NCK1: variants seen among roughly 807,000 people sequenced by gnomAD.
NCK1 encodes the protein NCK adaptor protein 1, also known as SH2/SH3 adapter protein NCK1.
NCK1 carries 19 observed loss-of-function variants against 36.6 expected under a neutral mutation model. That is an observed-to-expected ratio of 0.52 (90% confidence interval 0.36 to 0.76). NCK1 has a LOEUF of 0.76. NCK1 is among the 30% of genes least tolerant of loss of function. The pLI is 0.00. For missense variants in NCK1, 358 were observed against 445.6 expected (o/e 0.80, Z 1.77); for synonymous variants, 165 against 156.0 (o/e 1.06, Z -0.43).
At chr3:136,940,452 T>G (rs964823520) in intron 2 of NCK1, among the ~76,000 whole-genome samples, 8 of 152,206 alleles carry the variant, frequency 5.3e-5, no homozygotes, top group African/African-American at 1.9e-4. Context: ...GCTCTCTTGT[T>G]AGGTATGCAT....
chr3:136,932,017 A>T (rs1420245033), intron 2 of NCK1, among the ~76,000 whole-genome samples: 4 of 151,808 alleles, frequency 2.6e-5, no homozygotes, highest in African/African-American at 9.7e-5. Flanking sequence ...CTACTTGGGA[A>T]GCTGAGGCAG....
chr3:136,928,560 A>G (rs1940307492), intron 2 of NCK1: 1 of 253,636 alleles, frequency 3.9e-6, no homozygotes, highest in Admixed American at 4.9e-5. Context: ...GCACCAAGGC[A>G]ACTTATGTAC....
Position 136,926,511 on chromosome 3 carries a change from G to C in NCK1, c.-18-1473G>C, listed in dbSNP as rs369555705. On this transcript the variant is annotated intron_variant, in intron 1 of 3. Transcript: ENST00000481752. The stretch of plus-strand genomic sequence containing the variant: ...AGGATGGTCTCGATCTCCTGAACTT[G>C]TGATTCACCCGCCTCAGCCTCCTGA... 2.0e-5 allele frequency among the ~76,000 whole-genome samples: 3 copies of C among 152,048 alleles called. 1 individual carries two copies. The highest frequency in any genetic ancestry group is 1.3e-4 in the Admixed American group (2 of 15,250).
intron 1 of NCK1, among the ~76,000 whole-genome samples, chr3:136,865,467 C>G (rs1938387725): frequency 1.3e-5 from 2 of 152,060 alleles, no homozygotes; most frequent in Admixed American, 1.3e-4. Flanking sequence ...ACTTTTTCAC[C>G]ATGTGTTTTT....
intron 2 of NCK1, among the ~76,000 whole-genome samples, chr3:136,935,295 A>G (rs1423581637): frequency 1.3e-5 from 2 of 152,140 alleles, no homozygotes; most frequent in Non-Finnish European, 2.9e-5. Flanking sequence ...GATCTTTTGC[A>G]TTTCTTTTAC....
At chr3:136,867,104 CTTTCTTTCTTTCTTTG>C (rs56028023) in intron 1 of NCK1, among the ~76,000 whole-genome samples, 3,821 of 31,232 alleles carry the variant, frequency 0.12, 396 homozygotes, top group East Asian at 0.22. Context: ...TTCTTTCTTT[CTTTCTTTCTTTCTTTG>C]TTTCTTTCTT....
At chr3:136,871,823 C>T (rs115102371) in intron 1 of NCK1, among the ~76,000 whole-genome samples, 2,230 of 152,202 alleles carry the variant, frequency 0.015, 58 homozygotes, top group African/African-American at 0.051. Flanking sequence ...CTTGTGGGAT[C>T]TGATGGTTTT....
At chr3:136,927,160 T>A (rs1370282573) in intron 1 of NCK1, among the ~76,000 whole-genome samples, 2 of 152,086 alleles carry the variant, frequency 1.3e-5, no homozygotes, top group Non-Finnish European at 2.9e-5. Context: ...TTAGTAGAGA[T>A]GGGGTTTCAC....
At chr3:136,885,220 A>T (rs1939046366) in intron 1 of NCK1, among the ~76,000 whole-genome samples, 1 of 152,210 alleles carries the variant, frequency 6.6e-6, no homozygotes, top group Admixed American at 6.5e-5. Flanking sequence ...ACAAGTGGCC[A>T]TGAGTTGATG....
intron 2 of NCK1, among the ~76,000 whole-genome samples, chr3:136,932,246 C>G (rs1439767752): frequency 6.6e-6 from 1 of 151,928 alleles, no homozygotes; most frequent in Non-Finnish European, 1.5e-5. Context: ...CATTTGCAGA[C>G]TGGGAGTCAG....
At position 136,950,436 on chromosome 3, in the gene NCK1, C is replaced by T. The variant is rs949209607; in HGVS notation, c.*1983C>T. 5.9e-5 allele frequency among the ~76,000 whole-genome samples: 9 copies of T among 152,040 alleles called. No individual in the cohort carries two copies. The highest frequency in any genetic ancestry group is 1.9e-4 in the East Asian group (1 of 5,196). ...ATAATTAGGTTTATTGTAGCTATAG[C>T]GCTCCCAGATAACCCATGTGTGCTA... is the stretch of plus-strand genomic sequence containing the variant. On this transcript the variant is annotated 3_prime_UTR_variant, in exon 4 of 4. Transcript: ENST00000481752.
intron 1 of NCK1, among the ~76,000 whole-genome samples, chr3:136,909,888 C>A (rs554728054): frequency 5.4e-4 from 82 of 152,284 alleles, no homozygotes; most frequent in African/African-American, 1.8e-3. Flanking sequence ...GTTAATACAG[C>A]CCACCTCACT....
intron 2 of NCK1, among the ~76,000 whole-genome samples, chr3:136,930,310 A>G (rs1395429980): frequency 6.6e-6 from 1 of 152,208 alleles, no homozygotes; most frequent in Non-Finnish European, 1.5e-5. Flanking sequence ...ATCTTCCAAA[A>G]TAAGTCTGAA....
intron 1 of NCK1, among the ~76,000 whole-genome samples, chr3:136,914,978 G>A (rs534605016): frequency 2.0e-5 from 3 of 152,216 alleles, no homozygotes; most frequent in South Asian, 4.1e-4. Context: ...TTCATCTCTC[G>A]TCATGTGATC....
intron 2 of NCK1, among the ~76,000 whole-genome samples, chr3:136,945,321 A>G (rs553048107): frequency 6.6e-6 from 1 of 152,322 alleles, no homozygotes; most frequent in South Asian, 2.1e-4. Flanking sequence ...ATTATGTTAT[A>G]TAGTTATTTC....
At chr3:136,923,015 A>G (rs1560047965) in intron 1 of NCK1, among the ~76,000 whole-genome samples, 1 of 152,174 alleles carries the variant, frequency 6.6e-6, no homozygotes, top group Non-Finnish European at 1.5e-5. Context: ...TAGTAAAGGA[A>G]GTCTCATGTG....
At chr3:136,873,845 G>A (rs897337030) in intron 1 of NCK1, among the ~76,000 whole-genome samples, 1 of 152,130 alleles carries the variant, frequency 6.6e-6, no homozygotes, top group Non-Finnish European at 1.5e-5. Flanking sequence ...TTCACTATGC[G>A]CCATGATTGT....
chr3:136,862,279 C>G lies in NCK1; in HGVS notation c.-93C>G, dbSNP rs1576931750. 3 of 152,638 alleles carry G rather than the reference C, an allele frequency of 2.0e-5. No individual in the cohort carries two copies. Among genetic ancestry groups the G allele is most frequent in the Non-Finnish European group, 4.4e-5 (3 of 68,150 alleles). 9.5% of individuals were successfully genotyped at this position (152,638 alleles called of 1,614,324 possible). A position where few individuals can be genotyped will look rare whatever the true frequency, so the allele number is the denominator to read the frequency against. On this transcript the variant is annotated 5_prime_UTR_variant, in exon 1 of 4. Transcript: ENST00000481752. ...GAGCGCAGGCCTCGTGCCGTTACGG[C>G]CATCACGGCGGCCGCAGTGGCGTCC...
intron 1 of NCK1, among the ~76,000 whole-genome samples, chr3:136,910,614 C>G (rs1268336790): frequency 6.6e-6 from 1 of 152,166 alleles, no homozygotes; most frequent in Non-Finnish European, 1.5e-5. Context: ...TTTGACTCCT[C>G]TTAGCATTTA....
Sources: allele counts gnomAD v4.1 joint callset (sites outside exome capture counted in the v4.1 genomes callset), GRCh38; gene constraint gnomAD v4.1.1; transcripts MANE v1.5; gene names NCBI Gene and HGNC (gene_info 2026-07-23, HGNC 2026-07-21).